DLG5: variants seen among roughly 807,000 people sequenced by gnomAD.
The protein encoded by DLG5 is discs large MAGUK scaffold protein 5, also known as disks large homolog 5.
In DLG5, 48 loss-of-function variants were observed where a neutral mutation model predicts 189.8. The ratio of observed to expected loss-of-function variants is 0.25; its 90% CI spans 0.20 to 0.32. The LOEUF is 0.32. DLG5 is among the 10% of genes least tolerant of loss of function. DLG5 has a pLI of 1.00. For missense variants in DLG5, 2,160 were observed against 2,544.7 expected, an observed-to-expected ratio of 0.85 and a Z score of 3.25; for synonymous variants, 1,016 against 1,054.1, an observed-to-expected ratio of 0.96 and a Z score of 0.70.
intron 13 of DLG5, among the ~76,000 whole-genome samples, chr10:77,825,800 A>G (rs1013971037): frequency 1.3e-5 from 2 of 151,380 alleles, no homozygotes; most frequent in Admixed American, 6.6e-5. Context: ...AAGGCAATCC[A>G]CCCGCCTCGG....
In DLG5 at chr10:77,805,801, G is replaced by A. The variant is rs375737773; in HGVS notation, c.5028C>T (p.Ala1676=). The A allele has an allele frequency of 6.3e-5, 101 of 1,614,054 alleles. No individual in the cohort carries two copies. The highest frequency in any genetic ancestry group is 8.3e-5 in the Admixed American group (5 of 60,000). ...SMSEVKDDNS[A]TKTLSAAARR... ...GTGCAGCCGCTGACAGCGTCTTTGT[G>A]GCGCTATTGTCATCTTTGACTTCAG... Residue 1676 remains alanine (A), a synonymous_variant, in exon 27 of 32, where the codon GCC becomes GCT. Transcript: ENST00000372391.
intron 5 of DLG5, among the ~76,000 whole-genome samples, chr10:77,852,141 G>T (rs1174557663): frequency 6.6e-6 from 1 of 152,054 alleles, no homozygotes; most frequent in Non-Finnish European, 1.5e-5. Context: ...GGGAGGCCAA[G>T]GTGGGTGGAT....
chr10:77,808,135 C>T (rs1398603492), intron 24 of DLG5, among the ~76,000 whole-genome samples, 191 bp from the exon 25 acceptor site: 1 of 152,232 alleles, frequency 6.6e-6, no homozygotes, highest in African/African-American at 2.4e-5. Flanking sequence ...GTGCATGCTC[C>T]CTGGACACCA....
At position 77,805,651 on chromosome 10, in the gene DLG5, G is replaced by A. The variant is rs1568121610; in HGVS notation, c.5164+14C>T. On this transcript the variant is annotated intron_variant, in intron 27 of 31. Transcript: ENST00000372391. ...ATCTGGAGAGCCCACTGGAAAATGA[G>A]CTCAGCCACTTGCCTTCAAAGAGTG... 6.3e-7 allele frequency: 1 copy of A among 1,596,690 alleles called. No individual in the cohort carries two copies. The highest frequency in any genetic ancestry group is 8.6e-7 in the Non-Finnish European group (1 of 1,167,330).
chr10:77,863,347 C>T (rs1402314394), intron 2 of DLG5, among the ~76,000 whole-genome samples: 1 of 152,160 alleles, frequency 6.6e-6, no homozygotes, highest in Non-Finnish European at 1.5e-5. Flanking sequence ...AATCCTTCTG[C>T]CTTGGCCTCC....
chr10:77,934,373 A>G, the DLG5 span, among the ~76,000 whole-genome samples: 2 of 147,332 alleles, frequency 1.4e-5, no homozygotes, highest in Admixed American at 1.3e-4. Flanking sequence ...CTCCATCTCA[A>G]AAAAAAAAAA....
At chr10:77,910,039 C>A (rs1846173886) in intron 1 of DLG5, among the ~76,000 whole-genome samples, 1 of 152,192 alleles carries the variant, frequency 6.6e-6, no homozygotes, top group Non-Finnish European at 1.5e-5. Context: ...ATGGGTCTCC[C>A]TGCCAGCATC....
At chr10:77,802,663 C>A (rs1841270776) in intron 27 of DLG5, among the ~76,000 whole-genome samples, 1 of 152,216 alleles carries the variant, frequency 6.6e-6, no homozygotes, top group Non-Finnish European at 1.5e-5. Context: ...CTTTGTGAGG[C>A]TAAGACAGGC....
In DLG5 at chr10:77,805,156, G is replaced by C. The variant is rs186588475; in HGVS notation, c.5164+509C>G. Among the ~76,000 whole-genome samples the C allele has an allele frequency of 1.8e-4, 27 of 152,218 alleles. No individual in the cohort carries two copies. The East Asian group carries it at 5.2e-3, about 29-fold the overall frequency. ...GGCTAATTTTTGTATTTTTAATAGA[G>C]ACAGGGTTTCACCATGTTGGCCAGG... is the stretch of plus-strand genomic sequence containing the variant. On this transcript the variant is annotated intron_variant, in intron 27 of 31. Coordinates refer to ENST00000372391, the MANE Select transcript of DLG5 (RefSeq NM_004747.4).
intron 1 of DLG5, among the ~76,000 whole-genome samples, chr10:77,909,684 G>C (rs1375535030): frequency 1.3e-5 from 2 of 151,952 alleles, no homozygotes; most frequent in Non-Finnish European, 2.9e-5. Context: ...AATGAGTGGG[G>C]GGATACATAG....
chr10:77,828,083 G>GC (rs1478726355), intron 13 of DLG5, among the ~76,000 whole-genome samples: 1 of 139,148 alleles, frequency 7.2e-6, no homozygotes, highest in African/African-American at 2.5e-5. Context: ...ATTACATTTA[G>GC]TTAAAAAAAA....
chr10:77,924,365 G>A (rs994832829), intron 1 of DLG5, among the ~76,000 whole-genome samples: 1 of 152,050 alleles, frequency 6.6e-6, no homozygotes, highest in African/African-American at 2.4e-5. Context: ...TAGAACTTCA[G>A]CCCCATGAGG....
chr10:77,809,767 A>G (rs1841667464), intron 23 of DLG5, 37 bp from the exon 24 acceptor site: 1 of 1,586,288 alleles, frequency 6.3e-7, no homozygotes, highest in African/African-American at 1.4e-5. Context: ...AACTGTGCAC[A>G]AAGAGGAGGC....
chr10:77,858,874 T>C (rs1844359343), intron 2 of DLG5, among the ~76,000 whole-genome samples: 1 of 152,128 alleles, frequency 6.6e-6, no homozygotes, highest in African/African-American at 2.4e-5. Context: ...GTATTCTTTT[T>C]GTGTGTGTGT....
chr10:77,882,899 C>T (rs1397005981), intron 1 of DLG5, among the ~76,000 whole-genome samples: 1 of 150,962 alleles, frequency 6.6e-6, no homozygotes, highest in African/African-American at 2.4e-5. Flanking sequence ...GGGTGCACTC[C>T]AGCGAAACAA....
At chr10:77,932,746 T>C in the DLG5 span, among the ~76,000 whole-genome samples, 1 of 152,232 alleles carries the variant, frequency 6.6e-6, no homozygotes, top group African/African-American at 2.4e-5. Context: ...CCATGAACTC[T>C]GCCCACTGCA....
At chr10:77,920,535 T>A (rs1369892185) in intron 1 of DLG5, among the ~76,000 whole-genome samples, 13 of 152,206 alleles carry the variant, frequency 8.5e-5, no homozygotes, top group Non-Finnish European at 1.8e-4. Flanking sequence ...AGTGTTGGAA[T>A]GGGCTGCCAA....
At chr10:77,841,159 A>C (rs1424148550) in intron 7 of DLG5, among the ~76,000 whole-genome samples, 5 of 152,220 alleles carry the variant, frequency 3.3e-5, no homozygotes, top group African/African-American at 1.2e-4. Context: ...GGGAATCTCC[A>C]TGGGCCCATC....
rs189288922 is a variant in DLG5 at position 77,825,635 on chromosome 10, A to G, written c.2290-1159T>C. Among the ~76,000 whole-genome samples, 359 of 151,498 alleles carry G rather than the reference A, an allele frequency of 2.4e-3. 3 individuals are homozygous for G. The highest frequency in any genetic ancestry group is 7.6e-3 in the African/African-American group (313 of 41,230). The stretch of plus-strand genomic sequence containing the variant: ...CAGAGGCATGATCTCGGCTCGCTGC[A>G]ACCTCCGCCTCCCAGGTTCAAGCAA... On this transcript the variant is annotated intron_variant, in intron 13 of 31. Transcript: ENST00000372391.
Sources: allele counts gnomAD v4.1 joint callset (sites outside exome capture counted in the v4.1 genomes callset), GRCh38; gene constraint gnomAD v4.1.1; transcripts MANE v1.5; gene names NCBI Gene and HGNC (gene_info 2026-07-23, HGNC 2026-07-21).